The following GALNTL6 variants were observed in gnomAD, a reference collection of about 807,000 sequenced individuals.
GALNTL6 encodes the protein polypeptide N-acetylgalactosaminyltransferase-like 6.
GALNTL6 carries 46 observed loss-of-function variants against 73.7 expected under a neutral mutation model. The observed-to-expected ratio is 0.62, with a 90% CI of 0.49 to 0.80. The LOEUF (loss-of-function observed/expected upper bound fraction) is 0.80, where lower values mean the gene tolerates loss of function less well. Among genes scored for constraint, GALNTL6 ranks in the 30% least tolerant of loss-of-function variants. The pLI is 0.00. For missense variants in GALNTL6, 604 were observed against 755.0 expected (o/e 0.80, Z 2.34); for synonymous variants, 259 against 263.7 (o/e 0.98, Z 0.17).
intron 5 of GALNTL6, among the ~76,000 whole-genome samples, chr4:172,369,639 G>A: frequency 6.6e-6 from 1 of 152,202 alleles, no homozygotes; most frequent in East Asian, 1.9e-4. Flanking sequence ...GAGGCCCGGT[G>A]AGAATTTGAG....
At chr4:172,677,729 C>G (rs761356942) in intron 5 of GALNTL6, among the ~76,000 whole-genome samples, 11 of 151,480 alleles carry the variant, frequency 7.3e-5, no homozygotes, top group Non-Finnish European at 1.3e-4. Context: ...TGGAGATCAG[C>G]CTAGATAGCA....
At chr4:172,079,300 C>T (rs111239480) in intron 2 of GALNTL6, among the ~76,000 whole-genome samples, 253 of 151,986 alleles carry the variant, frequency 1.7e-3, no homozygotes, top group African/African-American at 6.0e-3. Flanking sequence ...TTTGGATAAT[C>T]ATTTTATTAG....
intron 5 of GALNTL6, among the ~76,000 whole-genome samples, chr4:172,382,365 A>G (rs1489395294): frequency 6.6e-6 from 1 of 151,978 alleles, no homozygotes; most frequent in Non-Finnish European, 1.5e-5. Flanking sequence ...ATGAATAATG[A>G]TGTTGAGCAT....
intron 5 of GALNTL6, among the ~76,000 whole-genome samples, chr4:172,351,900 G>A (rs1393901949): frequency 6.6e-6 from 1 of 151,840 alleles, no homozygotes; most frequent in African/African-American, 2.4e-5. Flanking sequence ...AGATCCTTTG[G>A]CCAAAAGCAC....
chr4:172,345,566 T>A (rs555512410), intron 4 of GALNTL6, among the ~76,000 whole-genome samples: 1 of 152,294 alleles, frequency 6.6e-6, no homozygotes, highest in South Asian at 2.1e-4. Flanking sequence ...TGAACATAAA[T>A]AAGAGTGTTG....
At chr4:171,935,216 G>C (rs1413785592) in intron 2 of GALNTL6, among the ~76,000 whole-genome samples, 3 of 152,150 alleles carry the variant, frequency 2.0e-5, no homozygotes, top group Admixed American at 6.6e-5. Flanking sequence ...CAAAGGAAGA[G>C]TAGATATTTG....
In GALNTL6 at chr4:172,934,232, G is replaced by C. The variant is rs137941169; in HGVS notation, c.1149+2964G>C. On this transcript the variant is annotated intron_variant, in intron 9 of 12. Coordinates refer to ENST00000506823, the MANE Select transcript of GALNTL6 (RefSeq NM_001034845.3). ...TCAGTCCTCTCAAATTAAAGGACTT[G>C]AAAGAGGACCTTCAAGAATATGTCC... Among the ~76,000 whole-genome samples the C allele has an allele frequency of 1.9e-3, 289 of 152,278 alleles. No homozygotes were observed. In the Middle Eastern group the frequency reaches 0.02, roughly 11 times the overall value.
At chr4:172,385,204 T>C (rs149003937) in intron 5 of GALNTL6, among the ~76,000 whole-genome samples, 5 of 152,166 alleles carry the variant, frequency 3.3e-5, no homozygotes, top group Non-Finnish European at 7.4e-5. Flanking sequence ...GACTAGCATA[T>C]GGTTTATCAA....
intron 2 of GALNTL6, among the ~76,000 whole-genome samples, chr4:172,078,945 A>G (rs541764683): frequency 6.6e-6 from 1 of 152,292 alleles, no homozygotes; most frequent in Non-Finnish European, 1.5e-5. Flanking sequence ...TATCATAATA[A>G]GGCATACATG....
chr4:172,734,620 C>T (rs986241314), intron 5 of GALNTL6, among the ~76,000 whole-genome samples: 1 of 152,204 alleles, frequency 6.6e-6, no homozygotes, highest in Non-Finnish European at 1.5e-5. Flanking sequence ...AGCTCTGCCC[C>T]TGTGGCTTTG....
At chr4:171,985,806 G>A (rs1740055514) in intron 2 of GALNTL6, among the ~76,000 whole-genome samples, 6 of 151,516 alleles carry the variant, frequency 4.0e-5, no homozygotes, top group South Asian at 2.1e-4. Flanking sequence ...TTGGGAGGCC[G>A]AGGTGGGTGG....
At position 172,509,154 on chromosome 4, in the gene GALNTL6, C is replaced by T. The variant is rs1158990873; in HGVS notation, c.553+160465C>T. Reference sequence around the variant, plus strand: ...ATTATGGTCATTCTTGCAGGAGTAACGTGGTATTCCATTGTGGTTTTGATT... The same window carrying T: ...ATTATGGTCATTCTTGCAGGAGTAATGTGGTATTCCATTGTGGTTTTGATT... On this transcript the variant is annotated intron_variant, in intron 5 of 12. Transcript: ENST00000506823. Among the ~76,000 whole-genome samples, 4 of 51,748 alleles carry T rather than the reference C, an allele frequency of 7.7e-5. 2 individuals are homozygous for T. Among genetic ancestry groups the T allele is most frequent in the Non-Finnish European group, 1.7e-4 (4 of 22,874 alleles). The allele number at this position is 51,748 out of a possible 152,430, so 33.9% of individuals were successfully genotyped here.
At chr4:172,726,163 A>G (rs1291179377) in intron 5 of GALNTL6, among the ~76,000 whole-genome samples, 1 of 152,208 alleles carries the variant, frequency 6.6e-6, no homozygotes, top group African/African-American at 2.4e-5. Flanking sequence ...CCCTGTAAAC[A>G]GTTGCCACTG....
Position 173,024,890 on chromosome 4 carries a change from C to G in GALNTL6, c.1638+3265C>G, listed in dbSNP as rs1753170969. Among the ~76,000 whole-genome samples, 2 of 152,092 alleles carry G rather than the reference C, an allele frequency of 1.3e-5. 1 individual carries two copies. The highest frequency in any genetic ancestry group is 1.3e-4 in the Admixed American group (2 of 15,258). ...CACCGTGCCCAGCCTGGAACTCCCA[C>G]TTTTTATAAGTGCCATGCTCTTAAG... On this transcript the variant is annotated intron_variant, in intron 12 of 12. Coordinates refer to ENST00000506823, the MANE Select transcript of GALNTL6 (RefSeq NM_001034845.3).
intron 3 of GALNTL6, among the ~76,000 whole-genome samples, chr4:172,246,350 C>T (rs1737658800): frequency 6.6e-6 from 1 of 151,784 alleles, no homozygotes; most frequent in Non-Finnish European, 1.5e-5. Context: ...ATTGGGATAC[C>T]AATATTATGA....
At chr4:172,234,969 A>G (rs140349723) in intron 3 of GALNTL6, among the ~76,000 whole-genome samples, 55 of 152,186 alleles carry the variant, frequency 3.6e-4, no homozygotes, top group Non-Finnish European at 6.5e-4. Context: ...CTAACGTTTT[A>G]TGTAGTTACA....
intron 2 of GALNTL6, among the ~76,000 whole-genome samples, chr4:172,082,365 T>G (rs1731904148): frequency 6.6e-6 from 1 of 152,160 alleles, no homozygotes; most frequent in Non-Finnish European, 1.5e-5. Context: ...GAGATGCCTT[T>G]CAGAAATCCA....
At chr4:172,021,117 T>A (rs977097794) in intron 2 of GALNTL6, among the ~76,000 whole-genome samples, 1 of 151,978 alleles carries the variant, frequency 6.6e-6, no homozygotes, top group Non-Finnish European at 1.5e-5. Flanking sequence ...ATAAAAACTC[T>A]CAAACAGCTG....
intron 5 of GALNTL6, among the ~76,000 whole-genome samples, chr4:172,501,388 G>T (rs982249107): frequency 6.6e-6 from 1 of 152,070 alleles, no homozygotes; most frequent in African/African-American, 2.4e-5. Context: ...TACATGCCAA[G>T]ATTTTTTGCT....
Sources: gnomAD v4.1 joint callset for allele counts (sites outside exome capture counted in the v4.1 genomes callset) on GRCh38, gnomAD v4.1.1 for gene constraint, MANE v1.5 for transcripts, NCBI Gene and HGNC (gene_info 2026-07-23, HGNC 2026-07-21) for gene names.